Variants in CCBE1 observed in about 807,000 individuals in gnomAD.
CCBE1 encodes the protein collagen and calcium binding EGF domains 1, also known as collagen and calcium-binding EGF domain-containing protein 1.
A neutral mutation model predicts 50.0 loss-of-function variants in CCBE1; 37 were observed. The ratio of observed to expected loss-of-function variants is 0.74; its 90% CI spans 0.57 to 0.97. The LOEUF is 0.97. Ranked by LOEUF, CCBE1 falls within the 50% of genes least tolerant of loss-of-function variation. The pLI is 0.00. For missense variants in CCBE1, 538 were observed against 523.8 expected, an observed-to-expected ratio of 1.03 and a Z score of -0.26; for synonymous variants, 234 against 203.7, an observed-to-expected ratio of 1.15 and a Z score of -1.27.
intron 2 of CCBE1, among the ~76,000 whole-genome samples, chr18:59,616,934 G>A (rs2053644557): frequency 6.6e-6 from 1 of 152,160 alleles, no homozygotes; most frequent in African/African-American, 2.4e-5. Context: ...TAAATGGGAA[G>A]GATACTGCCT....
intron 2 of CCBE1, among the ~76,000 whole-genome samples, chr18:59,528,638 G>A (rs1210485287): frequency 6.6e-6 from 1 of 152,138 alleles, no homozygotes; most frequent in African/African-American, 2.4e-5. Context: ...CTGACCTTTG[G>A]ATGGGGTTCT....
At chr18:59,520,411 G>A (rs899011783) in intron 2 of CCBE1, among the ~76,000 whole-genome samples, 3 of 152,150 alleles carry the variant, frequency 2.0e-5, no homozygotes, top group Admixed American at 2.0e-4. Context: ...CAACAGAGAT[G>A]AGTTCTTGGG....
Position 59,691,798 on chromosome 18 carries a change from G to A in CCBE1, c.212+4831C>T, listed in dbSNP as rs536172651. On this transcript the variant is annotated intron_variant, in intron 2 of 10. Coordinates refer to ENST00000439986, the MANE Select transcript of CCBE1 (RefSeq NM_133459.4). ...GAGCTGCCCTCAGTACCCGGCCTCAGCTATGCCAGCCACAGGACAGGGAAA... is the reference window on the plus strand; with the variant it reads ...GAGCTGCCCTCAGTACCCGGCCTCAACTATGCCAGCCACAGGACAGGGAAA... Among the ~76,000 whole-genome samples, 3 of 152,302 alleles carry A rather than the reference G, an allele frequency of 2.0e-5. No individual in the cohort carries two copies. The East Asian group carries it at 5.8e-4, about 29-fold the overall frequency.
intron 2 of CCBE1, among the ~76,000 whole-genome samples, chr18:59,489,781 C>CTCTT (rs112940031): frequency 0.86 from 130,692 of 151,612 alleles, 56,401 homozygotes; most frequent in East Asian, 0.95. Flanking sequence ...CCAGTCTTCC[C>CTCTT]TCTTTATCTC....
chr18:59,509,399 C>A (rs1914032542), intron 2 of CCBE1, among the ~76,000 whole-genome samples: 1 of 152,092 alleles, frequency 6.6e-6, no homozygotes, highest in Non-Finnish European at 1.5e-5. Flanking sequence ...TTTAATGATA[C>A]TATCTATAAA....
At chr18:59,491,271 C>T (rs1286639945) in intron 2 of CCBE1, among the ~76,000 whole-genome samples, 4 of 152,152 alleles carry the variant, frequency 2.6e-5, no homozygotes, top group South Asian at 2.1e-4. Context: ...CTTGCCACCT[C>T]GCCCTCTCAC....
intron 2 of CCBE1, among the ~76,000 whole-genome samples, chr18:59,665,742 T>G (rs145922946): frequency 1.8e-4 from 28 of 152,274 alleles, no homozygotes; most frequent in African/African-American, 6.5e-4. Context: ...ACGCTCTTCC[T>G]GGGTAAGCAT....
At chr18:59,586,544 A>G (rs2053180438) in intron 2 of CCBE1, among the ~76,000 whole-genome samples, 1 of 152,172 alleles carries the variant, frequency 6.6e-6, no homozygotes, top group African/African-American at 2.4e-5. Context: ...AAACTAAAAT[A>G]TCCCTTCATC....
chr18:59,454,779 T>A, intron 6 of CCBE1, 72 bp downstream of exon 6: 2 of 1,222,056 alleles, frequency 1.6e-6, no homozygotes, highest in Non-Finnish European at 2.4e-6. Context: ...TATTTGTAAA[T>A]ATCCTTCCAC....
At chr18:59,623,208 A>T (rs2053735532) in intron 2 of CCBE1, among the ~76,000 whole-genome samples, 1 of 152,196 alleles carries the variant, frequency 6.6e-6, no homozygotes, top group African/African-American at 2.4e-5. Flanking sequence ...CCTTTTTTAA[A>T]AAATGTAGGA....
chr18:59,546,488 A>G (rs1232177879), intron 2 of CCBE1, among the ~76,000 whole-genome samples: 1 of 152,162 alleles, frequency 6.6e-6, no homozygotes, highest in African/African-American at 2.4e-5. Context: ...CCCTCTTAGA[A>G]CCCTATGCCA....
chr18:59,439,472 AAAAAC>A, intron 9 of CCBE1, 66 bp downstream of exon 9: 2 of 1,592,502 alleles, frequency 1.3e-6, no homozygotes, highest in African/African-American at 2.7e-5. Flanking sequence ...CTCAAAAAAC[AAAAAC>A]AAAACAAAAC....
chr18:59,674,694 GTGTT>G (rs1248173329), intron 2 of CCBE1, among the ~76,000 whole-genome samples: 12 of 152,202 alleles, frequency 7.9e-5, no homozygotes, highest in Non-Finnish European at 1.0e-4. Flanking sequence ...AAGTTATTAA[GTGTT>G]TGTTTGACAG....
chr18:59,448,181 T>G, intron 6 of CCBE1, 78 bp from the exon 7 acceptor site: 4 of 1,594,922 alleles, frequency 2.5e-6, no homozygotes, highest in South Asian at 1.1e-5. Context: ...TGGGAGAAGC[T>G]GCAAAGCCTT....
At chr18:59,468,886 G>C (rs1911886827) in intron 4 of CCBE1, among the ~76,000 whole-genome samples, 1 of 150,434 alleles carries the variant, frequency 6.6e-6, no homozygotes, top group Non-Finnish European at 1.5e-5. Context: ...TCTTGGGTTA[G>C]TTATGAACTG....
intron 6 of CCBE1, among the ~76,000 whole-genome samples, chr18:59,450,451 G>A (rs776216755): frequency 1.3e-5 from 2 of 152,190 alleles, no homozygotes; most frequent in South Asian, 2.1e-4. Context: ...GCCAGCAGAC[G>A]GTGGGTCTAG....
At chr18:59,667,151 C>G (rs1278426669) in intron 2 of CCBE1, among the ~76,000 whole-genome samples, 1 of 151,852 alleles carries the variant, frequency 6.6e-6, no homozygotes, top group African/African-American at 2.4e-5. Flanking sequence ...CGTCTATAGT[C>G]CCAGCTACCC....
chr18:59,538,080 T>A (rs1441287143), intron 2 of CCBE1, among the ~76,000 whole-genome samples: 1 of 152,206 alleles, frequency 6.6e-6, no homozygotes, highest in African/African-American at 2.4e-5. Flanking sequence ...TGTCACTAAA[T>A]ACGTCCAATA....
At chr18:59,541,045 C>A (rs1915447185) in intron 2 of CCBE1, among the ~76,000 whole-genome samples, 1 of 152,180 alleles carries the variant, frequency 6.6e-6, no homozygotes, top group Admixed American at 6.5e-5. Flanking sequence ...TTGGGCAATT[C>A]ATTTAAGCTG....
Sources: allele counts gnomAD v4.1 joint callset (sites outside exome capture counted in the v4.1 genomes callset), GRCh38; gene constraint gnomAD v4.1.1; transcripts MANE v1.5; gene names NCBI Gene and HGNC (gene_info 2026-07-23, HGNC 2026-07-21).